PAPPA: variants seen among roughly 807,000 people sequenced by gnomAD.
PAPPA encodes pappalysin 1.
In PAPPA, 60 loss-of-function variants were observed where a neutral mutation model predicts 164.0. That is an observed-to-expected ratio of 0.37 (90% CI 0.30 to 0.45). The LOEUF (loss-of-function observed/expected upper bound fraction) is 0.45. Among genes scored for constraint, PAPPA ranks in the 20% least tolerant of loss-of-function variants. PAPPA has a pLI of 1.00. For missense variants in PAPPA, 1,782 were observed against 2,087.3 expected (o/e 0.85, Z 2.85); for synonymous variants, 875 against 814.1 (o/e 1.07, Z -1.27).
At chr9:116,181,360 C>T (rs1843902969) in intron 1 of PAPPA, among the ~76,000 whole-genome samples, 1 of 150,922 alleles carries the variant, frequency 6.6e-6, no homozygotes, top group Non-Finnish European at 1.5e-5. Context: ...CTCTTTCTCT[C>T]TCTCTCTCAC....
At chr9:116,366,709 T>C (rs751586213) in intron 18 of PAPPA, among the ~76,000 whole-genome samples, 3 of 152,146 alleles carry the variant, frequency 2.0e-5, no homozygotes, top group Non-Finnish European at 2.9e-5. Context: ...CCTATAGAGT[T>C]ACAGTCCAGC....
chr9:116,187,653 C>T lies in PAPPA; in HGVS notation c.915C>T (p.Ser305=), dbSNP rs267602098. Residue 305 remains serine (S), a synonymous_variant, in exon 2 of 22, where the codon AGC becomes AGT. Coordinates refer to ENST00000328252, the MANE Select transcript of PAPPA (RefSeq NM_002581.5). This position sits in a 1 kb window ranked among gnomAD's most constrained non-coding sequence, Gnocchi z 4.2. ...HAWSPMKDGS[S]PKVEFSNAHG... is the part of the protein sequence containing the mutation. ...GGTCCCCCATGAAGGATGGCAGCAG[C>T]CCCAAAGTGGAATTCAGCAATGCCC... The T allele has an allele frequency of 6.8e-6, 11 of 1,614,098 alleles. No individual in the cohort carries two copies. In the East Asian group the frequency reaches 2.5e-4, roughly 36 times the overall value.
chr9:116,187,748 T>TGACAA lies in PAPPA; in HGVS notation c.1010_1011insGACAA (p.Ile338ThrfsTer35). 1 of 1,614,160 alleles carries TGACAA rather than the reference T, an allele frequency of 6.2e-7. No individual in the cohort carries two copies. The highest frequency in any genetic ancestry group is 8.5e-7 in the Non-Finnish European group (1 of 1,180,040). On this transcript the variant is annotated frameshift_variant, in exon 2 of 22. Transcript: ENST00000328252. LOFTEE classifies it high-confidence loss of function. The surrounding 1 kb of genome is among the most constrained non-coding windows in gnomAD (Gnocchi z 4.2). ...CAGACATTGTGTGACAACACAGAGG[T>TGACAA]CATTGCCAGCTACAATCAGCTCTCA...
intron 14 of PAPPA, 84 bp downstream of exon 14, chr9:116,344,795 C>T: frequency 1.6e-6 from 2 of 1,216,686 alleles, no homozygotes; most frequent in South Asian, 2.9e-5. Flanking sequence ...GCTAAATACC[C>T]AGCAGCACTT....
rs112906044 is a variant in PAPPA, at chr9:116,213,736, A to C, written c.1918+1804A>C. Among the ~76,000 whole-genome samples the C allele has an allele frequency of 7.9e-3, 1,208 of 152,222 alleles. 25 individuals carry two copies. The highest frequency in any genetic ancestry group is 0.027 in the African/African-American group (1,127 of 41,534). On this transcript the variant is annotated intron_variant, in intron 4 of 21. Transcript: ENST00000328252. ...ACTATTTTTTTTAAAGGAACCCCTC[A>C]GCTCAGTGACCCATTAACAGCAGAA...
At chr9:116,328,076 G>A (rs1383747616) in intron 10 of PAPPA, among the ~76,000 whole-genome samples, 1 of 152,188 alleles carries the variant, frequency 6.6e-6, no homozygotes, top group Non-Finnish European at 1.5e-5. Flanking sequence ...AGCAATAAGA[G>A]GGCTTTGTTC....
chr9:116,396,610 T>C lies in PAPPA; in HGVS notation c.4878T>C (p.His1626=), dbSNP rs200192793. The change falls in exon 22 of 22, where the codon CAT becomes CAC. Residue 1626 remains histidine, a synonymous_variant. Coordinates refer to ENST00000328252, the MANE Select transcript of PAPPA (RefSeq NM_002581.5). ...GGAAAGACCTCCGGGGATACAGCCA[T>C]GGCTAAGGAAGGACAAGAAGTTGTC... ...HSRKDLRGYS[H]G 1.3e-6 allele frequency: 1 copy of C among 780,648 alleles called. No individual in the cohort carries two copies. Among genetic ancestry groups the C allele is most frequent in the Non-Finnish European group, 2.4e-6 (1 of 417,882 alleles). 48.4% of individuals were successfully genotyped at this position (780,648 alleles called of 1,614,324 possible).
chr9:116,284,517 C>T (rs1407593385), intron 9 of PAPPA, among the ~76,000 whole-genome samples: 6 of 146,306 alleles, frequency 4.1e-5, no homozygotes, highest in Admixed American at 3.4e-4. Flanking sequence ...CCTTGTATGA[C>T]TCCAAAATCT....
intron 1 of PAPPA, among the ~76,000 whole-genome samples, chr9:116,170,007 C>T (rs751073262): frequency 7.9e-5 from 12 of 152,006 alleles, no homozygotes; most frequent in South Asian, 2.1e-4. Flanking sequence ...TTTAGATCAA[C>T]GAGGATAGGG....
chr9:116,244,430 T>C (rs1445888104), intron 7 of PAPPA, among the ~76,000 whole-genome samples: 1 of 152,188 alleles, frequency 6.6e-6, no homozygotes, highest in East Asian at 1.9e-4. Context: ...CACTCGTGCA[T>C]TTAATAGGAG....
At chr9:116,156,461 C>T (rs899592871) in intron 1 of PAPPA, among the ~76,000 whole-genome samples, 6 of 151,552 alleles carry the variant, frequency 4.0e-5, no homozygotes, top group Admixed American at 6.6e-5. Flanking sequence ...CATTCACTCT[C>T]TCACACAAAG....
chr9:116,251,156 G>A (rs1844855544), intron 7 of PAPPA, among the ~76,000 whole-genome samples: 1 of 152,182 alleles, frequency 6.6e-6, no homozygotes, highest in Non-Finnish European at 1.5e-5. Context: ...TTACAAAAGA[G>A]CTCAGAAGAC....
chr9:116,350,020 A>C (rs1270093906), intron 15 of PAPPA, among the ~76,000 whole-genome samples: 2 of 152,176 alleles, frequency 1.3e-5, no homozygotes, highest in African/African-American at 4.8e-5. Context: ...AAACTCTGGG[A>C]GACGGTGGAG....
intron 17 of PAPPA, among the ~76,000 whole-genome samples, chr9:116,362,007 A>G (rs2118627107): frequency 1.3e-5 from 2 of 152,296 alleles, no homozygotes; most frequent in South Asian, 2.1e-4. Context: ...TCTTCATGCC[A>G]TTATTGTTGG....
intron 21 of PAPPA, among the ~76,000 whole-genome samples, chr9:116,387,804 C>T (rs1344345692): frequency 6.6e-6 from 1 of 152,220 alleles, no homozygotes; most frequent in East Asian, 1.9e-4. Context: ...ACAGCACCTG[C>T]CTCTAACCCC....
chr9:116,378,705 A>G (rs756080035), intron 20 of PAPPA, among the ~76,000 whole-genome samples: 9 of 152,196 alleles, frequency 5.9e-5, no homozygotes, highest in Non-Finnish European at 1.2e-4. Context: ...TATAGAGTAG[A>G]AAACGAGGGC....
chr9:116,278,459 A>G (rs148292011), intron 9 of PAPPA, among the ~76,000 whole-genome samples: 80 of 152,310 alleles, frequency 5.3e-4, no homozygotes, highest in Admixed American at 1.2e-3. Flanking sequence ...GTGCCATTGA[A>G]TCACAGCAGG....
intron 7 of PAPPA, among the ~76,000 whole-genome samples, chr9:116,253,915 GTAC>G (rs1376414661): frequency 5.9e-5 from 9 of 151,988 alleles, no homozygotes; most frequent in African/African-American, 1.9e-4. Flanking sequence ...TTGCCTTCAG[GTAC>G]TGCCTTTTCA....
chr9:116,290,704 CT>C (rs574236554), intron 9 of PAPPA, among the ~76,000 whole-genome samples: 1 of 151,638 alleles, frequency 6.6e-6, no homozygotes, highest in African/African-American at 2.4e-5. Flanking sequence ...TTCTCTCTCT[CT>C]TTTTTTTAAT....
Sources: allele counts gnomAD v4.1 joint callset (sites outside exome capture counted in the v4.1 genomes callset), GRCh38; gene constraint gnomAD v4.1.1; non-coding constraint Gnocchi (gnomAD v3.1); transcripts MANE v1.5; gene names NCBI Gene and HGNC (gene_info 2026-07-23, HGNC 2026-07-21).